Variants in SMOC1 observed in about 807,000 individuals in gnomAD.
SMOC1 encodes SPARC related modular calcium binding 1, also known as SPARC-related modular calcium-binding protein 1.
A neutral mutation model predicts 56.3 loss-of-function variants in SMOC1; 22 were observed. The ratio of observed to expected loss-of-function variants is 0.39; its 90% CI spans 0.28 to 0.56. SMOC1 has a LOEUF of 0.56. Ranked by LOEUF, SMOC1 falls within the 20% of genes least tolerant of loss-of-function variation. The probability of loss-of-function intolerance (pLI) is 0.61; values close to 1 mark genes in which losing one functional copy is unlikely to be tolerated. For synonymous variants in SMOC1, 193 were observed against 215.0 expected (o/e 0.90, Z 0.89); for missense variants, 509 against 565.4 (o/e 0.90, Z 1.01).
intron 3 of SMOC1, among the ~76,000 whole-genome samples, chr14:69,972,074 T>A (rs1467097836): frequency 6.6e-6 from 1 of 152,190 alleles, no homozygotes; most frequent in Non-Finnish European, 1.5e-5. Context: ...TCTTAACAAC[T>A]AAGATAAGTA....
rs1342715246 is a variant in SMOC1, at chr14:69,994,506, A to G, written c.664+26A>G. On this transcript the variant is annotated intron_variant, in intron 7 of 11. Transcript: ENST00000361956. ...GTAAATAACCTTCCTTGGATTATAT[A>G]TGTACCCAGTCCATCCTTCCTTGCC... 2.6e-6 allele frequency: 4 copies of G among 1,567,302 alleles called. No individual in the cohort carries two copies. The East Asian group carries it at 6.7e-5, about 26-fold the overall frequency.
chr14:69,958,440 A>G (rs1384167407), intron 3 of SMOC1, among the ~76,000 whole-genome samples: 1 of 152,230 alleles, frequency 6.6e-6, no homozygotes, highest in Admixed American at 6.5e-5. Context: ...TCAATAAGTG[A>G]ATCTGAATGA....
At chr14:69,992,572 A>G (rs1464454927) in intron 6 of SMOC1, 99 bp downstream of exon 6, 2 of 973,056 alleles carry the variant, frequency 2.1e-6, no homozygotes, top group Non-Finnish European at 3.2e-6. Context: ...TATTATTATT[A>G]TTTTCTTTTT....
At chr14:69,902,673 G>C (rs1884277389) in intron 1 of SMOC1, among the ~76,000 whole-genome samples, 1 of 152,204 alleles carries the variant, frequency 6.6e-6, no homozygotes, top group Non-Finnish European at 1.5e-5. Context: ...CCGAGCCGAA[G>C]CTGGACTGTA....
In SMOC1 at chr14:69,944,981, C is replaced by G. The variant is rs577600113; in HGVS notation, c.100-7157C>G. On this transcript the variant is annotated intron_variant, in intron 1 of 11. Coordinates refer to ENST00000361956, the MANE Select transcript of SMOC1 (RefSeq NM_001034852.3). ...TGTTCCTTTAAAGAAAAGAAAGGAA[C>G]AAATACCTTTAATCACTATACATTT... 3.9e-5 allele frequency among the ~76,000 whole-genome samples: 6 copies of G among 152,196 alleles called. No homozygotes were observed. The South Asian group carries it at 1.2e-3, about 32-fold the overall frequency.
intron 1 of SMOC1, among the ~76,000 whole-genome samples, chr14:69,925,098 T>G (rs1594805140): frequency 2.8e-4 from 1 of 3,526 alleles, no homozygotes; most frequent in Non-Finnish European, 4.0e-4. Flanking sequence ...GTAGGGGAGG[T>G]AGGGGAGCTG....
chr14:70,030,083 C>T (rs574960524), intron 11 of SMOC1, among the ~76,000 whole-genome samples, 159 bp from the exon 12 acceptor site: 1 of 152,278 alleles, frequency 6.6e-6, no homozygotes, highest in South Asian at 2.1e-4. Context: ...CAACCTGTGC[C>T]CCACCTAGCC....
At chr14:69,880,722 A>T (rs1883614923) in intron 1 of SMOC1, among the ~76,000 whole-genome samples, 1 of 152,232 alleles carries the variant, frequency 6.6e-6, no homozygotes, top group African/African-American at 2.4e-5. Flanking sequence ...CTTAACTGGC[A>T]GCCTGAGAGT....
intron 6 of SMOC1, among the ~76,000 whole-genome samples, chr14:69,993,957 C>T (rs539943782): frequency 6.6e-5 from 10 of 152,300 alleles, no homozygotes; most frequent in South Asian, 2.1e-4. Context: ...ACACATGAGA[C>T]GCACTCCTTT....
chr14:69,927,532 T>C (rs1885042855), intron 1 of SMOC1, among the ~76,000 whole-genome samples: 1 of 152,130 alleles, frequency 6.6e-6, no homozygotes, highest in African/African-American at 2.4e-5. Flanking sequence ...AAAAATTAGC[T>C]GGGTGTGGTG....
chr14:69,992,098 C>T lies in SMOC1; in HGVS notation c.527-319C>T, dbSNP rs548215654. ...GAGATACTGCCTCCCAGTTTTCCTG[C>T]GGGAACAAGGGCCAGCAGAGTCATA... On this transcript the variant is annotated intron_variant, in intron 5 of 11. Transcript: ENST00000361956. 2.0e-4 allele frequency among the ~76,000 whole-genome samples: 31 copies of T among 152,192 alleles called. No homozygotes were observed. In the East Asian group the frequency reaches 5.2e-3, roughly 26 times the overall value.
intron 2 of SMOC1, among the ~76,000 whole-genome samples, chr14:69,952,572 G>A (rs1432133998): frequency 1.3e-5 from 2 of 152,226 alleles, no homozygotes; most frequent in East Asian, 1.9e-4. Context: ...TTTTTATGGA[G>A]ATGCTTAAAA....
intron 1 of SMOC1, among the ~76,000 whole-genome samples, chr14:69,942,331 G>C (rs1281363527): frequency 6.6e-6 from 1 of 152,136 alleles, no homozygotes; most frequent in Non-Finnish European, 1.5e-5. Context: ...TTCTCTGAGT[G>C]CCTATGGGGG....
At chr14:69,998,941 G>T (rs1298358392) in intron 7 of SMOC1, among the ~76,000 whole-genome samples, 1 of 152,162 alleles carries the variant, frequency 6.6e-6, no homozygotes, top group Non-Finnish European at 1.5e-5. Flanking sequence ...ATCTGAAAGG[G>T]CCATGCCTTT....
chr14:69,953,351 G>A (rs1346893751), intron 2 of SMOC1, 69 bp from the exon 3 acceptor site: 5 of 1,467,676 alleles, frequency 3.4e-6, no homozygotes, highest in South Asian at 1.1e-5. Flanking sequence ...GGTTTTCTCA[G>A]CCATTTTGTC....
intron 1 of SMOC1, among the ~76,000 whole-genome samples, chr14:69,887,229 A>T (rs1219565882): frequency 6.6e-6 from 1 of 152,222 alleles, no homozygotes; most frequent in Non-Finnish European, 1.5e-5. Context: ...CAAAAGATAC[A>T]GTAACTTATA....
chr14:69,902,950 C>G (rs945574698), intron 1 of SMOC1, among the ~76,000 whole-genome samples: 1 of 152,190 alleles, frequency 6.6e-6, no homozygotes, highest in East Asian at 1.9e-4. Flanking sequence ...AGTGCAGTGG[C>G]GTGATCTCGG....
At position 69,916,340 on chromosome 14, in the gene SMOC1, G is replaced by A. The variant is rs552193914; in HGVS notation, c.100-35798G>A. Among the ~76,000 whole-genome samples, 8 of 152,212 alleles carry A rather than the reference G, an allele frequency of 5.3e-5. No homozygotes were observed. The South Asian group carries it at 8.3e-4, about 16-fold the overall frequency. On this transcript the variant is annotated intron_variant, in intron 1 of 11. Coordinates refer to ENST00000361956, the MANE Select transcript of SMOC1 (RefSeq NM_001034852.3). ...CTGCTGCTATAGCCTGGTCCAAGCC[G>A]TTAGGCTCTCTCCTCAGGATAACTG...
At chr14:69,998,335 A>C (rs1270776691) in intron 7 of SMOC1, among the ~76,000 whole-genome samples, 2 of 152,140 alleles carry the variant, frequency 1.3e-5, no homozygotes, top group Non-Finnish European at 2.9e-5. Context: ...TGGCCAGCTA[A>C]TACGCTAGAA....
Sources: allele counts gnomAD v4.1 joint callset (sites outside exome capture counted in the v4.1 genomes callset), GRCh38; gene constraint gnomAD v4.1.1; transcripts MANE v1.5; gene names NCBI Gene and HGNC (gene_info 2026-07-23, HGNC 2026-07-21).